Variants in ATP9A observed in about 807,000 individuals in gnomAD.
ATP9A encodes probable phospholipid-transporting ATPase IIA.
ATP9A carries 52 observed loss-of-function variants against 144.1 expected under a neutral mutation model. The observed-to-expected ratio is 0.36, with a 90% CI of 0.29 to 0.45. ATP9A has a LOEUF of 0.45. Among genes scored for constraint, ATP9A ranks in the 20% least tolerant of loss-of-function variants. The probability of loss-of-function intolerance (pLI) is 1.00; values close to 1 mark genes in which losing one functional copy is unlikely to be tolerated. For synonymous variants in ATP9A, 582 were observed against 557.4 expected, an observed-to-expected ratio of 1.04 and a Z score of -0.62; for missense variants, 947 against 1,392.7, an observed-to-expected ratio of 0.68 and a Z score of 5.09.
chr20:51,750,911 C>T (rs1217690800), intron 1 of ATP9A, among the ~76,000 whole-genome samples: 2 of 152,190 alleles, frequency 1.3e-5, no homozygotes, highest in Non-Finnish European at 2.9e-5. Context: ...CCTGCCTCCT[C>T]CCTCCAAGCC....
At chr20:51,673,980 G>A (rs900335539) in intron 11 of ATP9A, among the ~76,000 whole-genome samples, 173 bp downstream of exon 11, 1 of 151,724 alleles carries the variant, frequency 6.6e-6, no homozygotes, top group Admixed American at 6.6e-5. Context: ...AACCTGGGAG[G>A]TGGAGGTTGC....
At chr20:51,743,569 T>C (rs1467714814) in intron 1 of ATP9A, among the ~76,000 whole-genome samples, 1 of 150,514 alleles carries the variant, frequency 6.6e-6, no homozygotes, top group Non-Finnish European at 1.5e-5. Context: ...CAGGCTAATT[T>C]TTGTATTTTT....
At chr20:51,734,369 C>G (rs1348039086) in intron 1 of ATP9A, among the ~76,000 whole-genome samples, 1 of 152,124 alleles carries the variant, frequency 6.6e-6, no homozygotes, top group East Asian at 1.9e-4. Context: ...ATACAACTAT[C>G]AGATTTAGGG....
At chr20:51,755,523 T>C (rs1382856159) in intron 1 of ATP9A, among the ~76,000 whole-genome samples, 1 of 152,168 alleles carries the variant, frequency 6.6e-6, no homozygotes, top group Non-Finnish European at 1.5e-5. Flanking sequence ...CAAGTGTTGA[T>C]GAGGACATGG....
chr20:51,604,854 G>A lies in ATP9A; in HGVS notation c.2970C>T (p.Cys990=). The part of the protein sequence containing the change: ...MTVAELLSLA[C]YIASLVFLHE... ...GTAAGAACACCAGGGAGGCGATGTA[G>A]CAGGCCAGGCTGAGCAGCTCCGCCA... The change falls in exon 27 of 28, where the codon TGC becomes TGT. Residue 990 remains cysteine (C), a synonymous_variant. Transcript: ENST00000338821. The A allele has an allele frequency of 6.4e-7, 1 of 1,557,308 alleles. No homozygotes were observed. The highest frequency in any genetic ancestry group is 1.2e-5 in the South Asian group (1 of 83,470).
chr20:51,700,111 A>C (rs1348873720), intron 4 of ATP9A, among the ~76,000 whole-genome samples: 1 of 152,230 alleles, frequency 6.6e-6, no homozygotes, highest in African/African-American at 2.4e-5. Flanking sequence ...AACTCAATTC[A>C]GTGACCGGAG....
At chr20:51,709,630 A>C (rs1601119046) in intron 4 of ATP9A, among the ~76,000 whole-genome samples, 1 of 152,170 alleles carries the variant, frequency 6.6e-6, no homozygotes, top group Non-Finnish European at 1.5e-5. Context: ...CGGAGGCTGA[A>C]GTGAGAAGAT....
At chr20:51,760,691 A>C (rs868070255) in intron 1 of ATP9A, among the ~76,000 whole-genome samples, 62 of 143,084 alleles carry the variant, frequency 4.3e-4, no homozygotes, top group South Asian at 8.7e-4. Flanking sequence ...ACGCCACTGC[A>C]CTCCAGCCTG....
In ATP9A at chr20:51,655,687, G is replaced by A. The variant is rs6021352; in HGVS notation, c.1506+1251C>T. ...ACTGTCATACGTTGCTGGTAGATAC[G>A]TAAAATAGCGCAGCCACTTTTGGAA... is the stretch of plus-strand genomic sequence containing the variant. On this transcript the variant is annotated intron_variant, in intron 14 of 27. Transcript: ENST00000338821. Among the ~76,000 whole-genome samples, 1,104 of 152,160 alleles carry A rather than the reference G, an allele frequency of 7.3e-3. 13 individuals are homozygous for A. Among genetic ancestry groups the A allele is most frequent in the African/African-American group, 0.025 (1,047 of 41,482 alleles).
Position 51,700,297 on chromosome 20 carries a change from G to C in ATP9A, c.437-2815C>G, listed in dbSNP as rs564393318. The stretch of plus-strand genomic sequence containing the variant: ...GCACTTTGGGAGGCTGAGACAGGTG[G>C]ACCACTTGAGCCTATTAGTTCAAGA... On this transcript the variant is annotated intron_variant, in intron 4 of 27. Transcript: ENST00000338821. Among the ~76,000 whole-genome samples the C allele has an allele frequency of 3.9e-4, 59 of 152,214 alleles. 3 individuals carry two copies. The highest frequency in any genetic ancestry group is 3.1e-3 in the Admixed American group (47 of 15,280).
intron 22 of ATP9A, among the ~76,000 whole-genome samples, chr20:51,616,035 T>TA (rs202195307): frequency 0.014 from 2,185 of 152,350 alleles, 54 homozygotes; most frequent in African/African-American, 0.05. Context: ...CTTTAATTTT[T>TA]TAAGAACTGG....
At chr20:51,727,974 A>C (rs1037749637) in intron 2 of ATP9A, among the ~76,000 whole-genome samples, 1 of 151,418 alleles carries the variant, frequency 6.6e-6, no homozygotes, top group East Asian at 1.9e-4. Context: ...CCTCAACTCC[A>C]TAAAATAACA....
intron 7 of ATP9A, 60 bp from the exon 8 acceptor site, chr20:51,690,879 G>A (rs1601107523): frequency 7.5e-7 from 1 of 1,332,150 alleles, no homozygotes; most frequent in Non-Finnish European, 1.1e-6. Context: ...GACTTCAGGA[G>A]GCATCCACTA....
intron 14 of ATP9A, among the ~76,000 whole-genome samples, chr20:51,646,883 G>C (rs2122757159): frequency 1.3e-5 from 2 of 152,160 alleles, no homozygotes; most frequent in South Asian, 4.2e-4. Flanking sequence ...TTGGGAGGCT[G>C]AAGTGGGCGG....
chr20:51,668,376 T>G (rs1312421634), intron 13 of ATP9A, among the ~76,000 whole-genome samples: 3 of 151,732 alleles, frequency 2.0e-5, no homozygotes, highest in Non-Finnish European at 4.4e-5. Context: ...TACAGCATCC[T>G]TATGAGCCAC....
intron 2 of ATP9A, among the ~76,000 whole-genome samples, chr20:51,727,987 G>T (rs1010367247): frequency 6.6e-6 from 1 of 151,674 alleles, no homozygotes; most frequent in African/African-American, 2.4e-5. Context: ...AAATAACACA[G>T]TCAAATCCTC....
At position 51,729,816 on chromosome 20, in the gene ATP9A, G is replaced by T. The variant is rs752038885; in HGVS notation, c.213+18C>A. 3 of 1,553,648 alleles carry T rather than the reference G, an allele frequency of 1.9e-6. No homozygotes were observed. The Admixed American group carries it at 6.3e-5, about 32-fold the overall frequency. Reference sequence around the variant, plus strand: ...GTGATGGAAAAAAGAAAAGAGCACGGTCCCTGCCTGCACGTACCCCAGGAA... The same window carrying T: ...GTGATGGAAAAAAGAAAAGAGCACGTTCCCTGCCTGCACGTACCCCAGGAA... On this transcript the variant is annotated intron_variant, in intron 2 of 27. Transcript: ENST00000338821.
At chr20:51,748,907 T>TTAGA (rs34474584) in intron 1 of ATP9A, among the ~76,000 whole-genome samples, 6,016 of 143,122 alleles carry the variant, frequency 0.042, 170 homozygotes, top group East Asian at 0.068. Flanking sequence ...CCTCTAAAGA[T>TTAGA]TAGATAGATA....
At position 51,645,522 on chromosome 20, in the gene ATP9A, CAAACAAAAACAAACAAACA is replaced by C. The variant is rs1221890078; in HGVS notation, c.1507-6037_1507-6019del. 3.3e-3 allele frequency among the ~76,000 whole-genome samples: 410 copies of C among 124,100 alleles called. 8 individuals are homozygous for C. The East Asian group carries it at 0.08, about 24-fold the overall frequency. The allele number at this position is 124,100 out of a possible 152,430, so 81.4% of individuals were successfully genotyped here. ...CTCCGTCTCAAAACAAACAAACAAA[CAAACAAAAACAAACAAACA>C]AAAAAAAAACAAGAACGTTCTCAGT... On this transcript the variant is annotated intron_variant, in intron 14 of 27. Transcript: ENST00000338821.
Sources: allele counts gnomAD v4.1 joint callset (sites outside exome capture counted in the v4.1 genomes callset), GRCh38; gene constraint gnomAD v4.1.1; transcripts MANE v1.5; gene names NCBI Gene and HGNC (gene_info 2026-07-23, HGNC 2026-07-21).